The following MUSK variants were observed in gnomAD, a reference collection of about 807,000 sequenced individuals.
MUSK encodes muscle associated receptor tyrosine kinase.
Under a neutral mutation model 88.7 loss-of-function variants are expected in MUSK, and 55 were observed. The observed-to-expected ratio is 0.62, with a 90% confidence interval of 0.50 to 0.78. The LOEUF (loss-of-function observed/expected upper bound fraction) is 0.78. Among genes scored for constraint, MUSK ranks in the 30% least tolerant of loss-of-function variants. The pLI is 0.00. For synonymous variants in MUSK, 387 were observed against 391.9 expected, an observed-to-expected ratio of 0.99 and a Z score of 0.15; for missense variants, 1,015 against 1,074.3, an observed-to-expected ratio of 0.94 and a Z score of 0.77.
chr9:110,726,958 A>C (rs527245773), intron 5 of MUSK, among the ~76,000 whole-genome samples: 155 of 152,208 alleles, frequency 1.0e-3, no homozygotes, highest in Non-Finnish European at 1.6e-3. Flanking sequence ...CCAGATGACC[A>C]GTTTTAAATA....
chr9:110,742,000 A>G lies in MUSK; in HGVS notation c.754-5641A>G, dbSNP rs73655612. ...GGGCTAATGTTCTCTAATTTTGTCC[A>G]GTTATGATAAAGTAACTTGGAGTGC... is the stretch of plus-strand genomic sequence containing the variant. On this transcript the variant is annotated intron_variant, in intron 6 of 14. Transcript: ENST00000374448. Among the ~76,000 whole-genome samples, 413 of 152,308 alleles carry G rather than the reference A, an allele frequency of 2.7e-3. 2 individuals carry two copies. Among genetic ancestry groups the G allele is most frequent in the African/African-American group, 9.0e-3 (374 of 41,566 alleles).
intron 5 of MUSK, among the ~76,000 whole-genome samples, chr9:110,718,205 G>A (rs1235750573): frequency 1.3e-5 from 2 of 151,990 alleles, no homozygotes. Context: ...CCACACTATG[G>A]TGCCTTCCTT....
chr9:110,690,137 T>TATAAATATACATTTA (rs1338202417), intron 3 of MUSK, among the ~76,000 whole-genome samples: 1 of 101,802 alleles, frequency 9.8e-6, no homozygotes, highest in Non-Finnish European at 1.7e-5. Flanking sequence ...AGTATAAATA[T>TATAAATATACATTTA]AGAAATATAT....
intron 5 of MUSK, among the ~76,000 whole-genome samples, chr9:110,721,206 T>C (rs568398891): frequency 1.4e-4 from 22 of 152,086 alleles, no homozygotes; most frequent in Non-Finnish European, 2.6e-4. Context: ...CTTTCACCAC[T>C]TCTATTCAAC....
chr9:110,684,753 T>G (rs1463449426), intron 2 of MUSK, among the ~76,000 whole-genome samples: 2 of 152,122 alleles, frequency 1.3e-5, no homozygotes, highest in Non-Finnish European at 2.9e-5. Flanking sequence ...ATAGGATTAT[T>G]TTTAAATTTA....
chr9:110,675,256 C>G (rs1303887587), intron 1 of MUSK, among the ~76,000 whole-genome samples: 1 of 134,416 alleles, frequency 7.4e-6, no homozygotes, highest in East Asian at 2.3e-4. Context: ...GAGTCTTGCA[C>G]TGTCGCCCAG....
At chr9:110,670,604 A>G (rs888581628) in intron 1 of MUSK, among the ~76,000 whole-genome samples, 6 of 152,184 alleles carry the variant, frequency 3.9e-5, no homozygotes, top group African/African-American at 7.2e-5. Context: ...CACTATCTCT[A>G]TTTTGAAAAT....
chr9:110,745,917 T>C (rs1487477171), intron 6 of MUSK, among the ~76,000 whole-genome samples: 1 of 152,248 alleles, frequency 6.6e-6, no homozygotes, highest in Non-Finnish European at 1.5e-5. Flanking sequence ...CAGTGCTTGG[T>C]GCCAGGGATA....
At chr9:110,698,496 AATCT>A (rs753869117) in intron 5 of MUSK, among the ~76,000 whole-genome samples, 8 of 152,132 alleles carry the variant, frequency 5.3e-5, no homozygotes, top group Non-Finnish European at 7.4e-5. Context: ...CTTAGGCCAA[AATCT>A]ATCTTTTTCT....
chr9:110,770,048 A>G (rs2077545841), intron 9 of MUSK, among the ~76,000 whole-genome samples: 1 of 151,896 alleles, frequency 6.6e-6, no homozygotes, highest in Admixed American at 6.6e-5. Flanking sequence ...ACTTATATTT[A>G]CTTATATCTA....
Position 110,800,308 on chromosome 9 carries a change from G to T in MUSK, c.1930G>T (p.Val644Leu). Residue 644 changes from valine (V) to leucine (L), a missense_variant and splice_region_variant, in exon 15 of 15, where the codon GTG (valine) becomes TTG (leucine). Physicochemically the swap from Val to Leu is conservative, Grantham distance 32. Transcript: ENST00000374448. ...CAGGGATGGTCTTTTGGTTCCAGGAGTGTGTGCTGTCGGGAAGCCAATGTG... is the reference window on the plus strand; with the variant it reads ...CAGGGATGGTCTTTTGGTTCCAGGATTGTGTGCTGTCGGGAAGCCAATGTG... ...DNPNIVKLLG[V>L]CAVGKPMCLL... 1 of 1,605,624 alleles carries T rather than the reference G, an allele frequency of 6.2e-7. No homozygotes were observed. The highest frequency in any genetic ancestry group is 8.5e-7 in the Non-Finnish European group (1 of 1,173,894).
intron 6 of MUSK, among the ~76,000 whole-genome samples, chr9:110,740,976 T>C (rs1587978126): frequency 6.6e-6 from 1 of 152,120 alleles, no homozygotes; most frequent in African/African-American, 2.4e-5. Flanking sequence ...ATAGTGGCTG[T>C]CAGGGATGGG....
chr9:110,769,221 A>T (rs111467491), intron 9 of MUSK, among the ~76,000 whole-genome samples: 2 of 152,342 alleles, frequency 1.3e-5, no homozygotes, highest in African/African-American at 4.8e-5. Context: ...TGATAAAACC[A>T]GAAACTATTT....
chr9:110,699,349 C>T (rs527533517), intron 5 of MUSK, among the ~76,000 whole-genome samples: 2 of 152,256 alleles, frequency 1.3e-5, no homozygotes, highest in African/African-American at 4.8e-5. Flanking sequence ...ATTTAGCACA[C>T]ATGCCTATTT....
At chr9:110,739,584 T>G (rs563961785) in intron 6 of MUSK, among the ~76,000 whole-genome samples, 99 of 152,298 alleles carry the variant, frequency 6.5e-4, no homozygotes, top group Middle Eastern at 3.4e-3. Context: ...AAAGATATTC[T>G]TATTACACAG....
chr9:110,709,535 A>G (rs1283191717), intron 5 of MUSK, among the ~76,000 whole-genome samples: 11 of 152,216 alleles, frequency 7.2e-5, no homozygotes, highest in Admixed American at 2.6e-4. Context: ...TAGATGATAT[A>G]TTTATAGCTC....
intron 14 of MUSK, among the ~76,000 whole-genome samples, chr9:110,789,530 A>G (rs1402044429): frequency 1.3e-5 from 2 of 152,118 alleles, no homozygotes; most frequent in Non-Finnish European, 2.9e-5. Flanking sequence ...TGTAATTTCA[A>G]CACTTTGTGA....
intron 1 of MUSK, among the ~76,000 whole-genome samples, chr9:110,679,476 G>T (rs1317458412): frequency 6.6e-6 from 1 of 151,720 alleles, no homozygotes; most frequent in Non-Finnish European, 1.5e-5. Context: ...TTATTTAAGT[G>T]TGTCTTTTGT....
intron 11 of MUSK, among the ~76,000 whole-genome samples, chr9:110,783,985 G>A (rs550523526): frequency 6.6e-6 from 1 of 151,772 alleles, no homozygotes; most frequent in East Asian, 1.9e-4. Context: ...ATTATTAATT[G>A]CACTTTGGCC....
Sources: gnomAD v4.1 joint callset for allele counts (sites outside exome capture counted in the v4.1 genomes callset) on GRCh38, gnomAD v4.1.1 for gene constraint, MANE v1.5 for transcripts, NCBI Gene and HGNC (gene_info 2026-07-23, HGNC 2026-07-21) for gene names.